Variants in CSMD1 observed in about 807,000 individuals in gnomAD.
CSMD1 encodes the protein CUB and Sushi multiple domains 1.
Under a neutral mutation model 417.5 loss-of-function variants are expected in CSMD1, and 213 were observed. The ratio of observed to expected loss-of-function variants is 0.51; its 90% CI spans 0.46 to 0.57. The LOEUF is 0.57. Among genes scored for constraint, CSMD1 ranks in the 20% least tolerant of loss-of-function variants. The probability of loss-of-function intolerance (pLI) is 0.00; values close to 1 mark genes in which losing one functional copy is unlikely to be tolerated. For synonymous variants in CSMD1, 2,862 were observed against 1,736.8 expected (o/e 1.65, Z -16.11); for missense variants, 6,923 against 4,529.7 (o/e 1.53, Z -15.17).
chr8:4,037,095 A>T (rs1271520503), intron 3 of CSMD1, among the ~76,000 whole-genome samples: 1 of 152,142 alleles, frequency 6.6e-6, no homozygotes, highest in Non-Finnish European at 1.5e-5. Flanking sequence ...AAACTGGAAT[A>T]ATTGGATAAA....
chr8:3,530,425 T>C (rs549990858), intron 10 of CSMD1, among the ~76,000 whole-genome samples: 1 of 152,348 alleles, frequency 6.6e-6, no homozygotes, highest in South Asian at 2.1e-4. Context: ...AATGATTGTT[T>C]AGGTGTGTTG....
intron 33 of CSMD1, among the ~76,000 whole-genome samples, chr8:3,191,018 T>G (rs529039286): frequency 1.3e-5 from 2 of 152,156 alleles, no homozygotes; most frequent in Non-Finnish European, 2.9e-5. Context: ...TTCACTTACA[T>G]AAAATGAGTA....
chr8:3,068,795 C>A (rs192579867), intron 49 of CSMD1, among the ~76,000 whole-genome samples: 4 of 152,126 alleles, frequency 2.6e-5, no homozygotes, highest in African/African-American at 9.7e-5. Flanking sequence ...GGATCCACCC[C>A]CATGATCCAA....
rs534531495 is a variant in CSMD1, at chr8:3,670,830, G to T, written c.1009+37584C>A. Reference sequence around the variant, plus strand: ...ATATGTATATGGGATATATGTATAGGGGATATATATGTATATGGGATATAT... The same window carrying T: ...ATATGTATATGGGATATATGTATAGTGGATATATATGTATATGGGATATAT... On this transcript the variant is annotated intron_variant, in intron 7 of 69. Transcript: ENST00000635120. Among the ~76,000 whole-genome samples, 3 of 150,184 alleles carry T rather than the reference G, an allele frequency of 2.0e-5. No homozygotes were observed. In the South Asian group the frequency reaches 6.4e-4, roughly 32 times the overall value.
intron 5 of CSMD1, among the ~76,000 whole-genome samples, chr8:3,860,388 A>T (rs976842158): frequency 6.6e-6 from 1 of 152,210 alleles, no homozygotes; most frequent in Non-Finnish European, 1.5e-5. Context: ...TAAAAAAATC[A>T]TCAGTCAAAA....
At chr8:3,865,798 C>CT (rs1007199987) in intron 5 of CSMD1, among the ~76,000 whole-genome samples, 2 of 152,066 alleles carry the variant, frequency 1.3e-5, no homozygotes, top group Non-Finnish European at 2.9e-5. Flanking sequence ...ATAAGTGCCT[C>CT]TTTTTTTGGT....
chr8:3,819,718 C>T (rs1420970324), intron 5 of CSMD1, among the ~76,000 whole-genome samples: 1 of 152,136 alleles, frequency 6.6e-6, no homozygotes, highest in East Asian at 1.9e-4. Context: ...TCCTGGGGAA[C>T]TGGGACCACA....
At chr8:3,140,331 CTCTCTCTCTCTCTCTCTG>C (rs1270457104) in intron 41 of CSMD1, among the ~76,000 whole-genome samples, 6 of 112,952 alleles carry the variant, frequency 5.3e-5, no homozygotes, top group Admixed American at 3.4e-4. Flanking sequence ...CTGATGTTCT[CTCTCTCTCTCTCTCTCTG>C]TCTCTCTCTC....
intron 5 of CSMD1, among the ~76,000 whole-genome samples, chr8:3,931,310 A>T (rs1436080224): frequency 6.6e-6 from 1 of 150,578 alleles, no homozygotes; most frequent in Non-Finnish European, 1.5e-5. Flanking sequence ...CAAATAAAAT[A>T]TTTAAGAACT....
At chr8:4,089,940 A>G (rs991530781) in intron 3 of CSMD1, among the ~76,000 whole-genome samples, 4 of 152,142 alleles carry the variant, frequency 2.6e-5, no homozygotes, top group Admixed American at 2.6e-4. Flanking sequence ...TACATGTATT[A>G]TTGTTGAATA....
chr8:4,758,314 C>A (rs1016268288), intron 1 of CSMD1, among the ~76,000 whole-genome samples: 2 of 152,118 alleles, frequency 1.3e-5, no homozygotes, highest in African/African-American at 2.4e-5. Context: ...ATGCTTAATT[C>A]GCTGGTTCTG....
At chr8:3,582,609 G>A (rs764410142) in intron 9 of CSMD1, among the ~76,000 whole-genome samples, 4 of 152,150 alleles carry the variant, frequency 2.6e-5, no homozygotes, top group Admixed American at 6.5e-5. Context: ...GCCACACGTG[G>A]CTACTGAGCA....
intron 7 of CSMD1, among the ~76,000 whole-genome samples, chr8:3,644,966 G>GAAAAAT (rs1797501761): frequency 3.1e-5 from 2 of 64,522 alleles, no homozygotes; most frequent in Non-Finnish European, 5.3e-5. Context: ...GGCTTTAAAT[G>GAAAAAT]AAAAAAAAAA....
intron 2 of CSMD1, among the ~76,000 whole-genome samples, chr8:4,549,285 A>G (rs571157292): frequency 6.6e-6 from 1 of 152,298 alleles, no homozygotes; most frequent in African/African-American, 2.4e-5. Flanking sequence ...CCAAACACCC[A>G]GGTGACTTGG....
chr8:4,216,577 G>A lies in CSMD1; in HGVS notation c.416-184478C>T, dbSNP rs185546459. On this transcript the variant is annotated intron_variant, in intron 3 of 69. Transcript: ENST00000635120. ...GCCTGAGTCTGCTGCCACTGCCAACGGAGCCCTCCAGATGGAAGGTGCTGA... is the reference window on the plus strand; with the variant it reads ...GCCTGAGTCTGCTGCCACTGCCAACAGAGCCCTCCAGATGGAAGGTGCTGA... 1.0e-3 allele frequency among the ~76,000 whole-genome samples: 157 copies of A among 152,266 alleles called. 1 individual carries two copies. Among genetic ancestry groups the A allele is most frequent in the African/African-American group, 5.3e-4 (22 of 41,550 alleles).
At chr8:3,233,954 G>A (rs1269072539) in intron 26 of CSMD1, among the ~76,000 whole-genome samples, 1 of 152,174 alleles carries the variant, frequency 6.6e-6, no homozygotes, top group East Asian at 1.9e-4. Context: ...GCCGGCGGTT[G>A]TGAGTTGCAT....
At chr8:3,061,469 C>T (rs1003182550) in intron 49 of CSMD1, among the ~76,000 whole-genome samples, 3 of 152,054 alleles carry the variant, frequency 2.0e-5, no homozygotes, top group African/African-American at 7.2e-5. Context: ...TTCTCTGCAC[C>T]GTGGATATCC....
intron 49 of CSMD1, among the ~76,000 whole-genome samples, chr8:3,082,601 C>A (rs768262954): frequency 6.6e-6 from 1 of 152,210 alleles, no homozygotes; most frequent in Non-Finnish European, 1.5e-5. Flanking sequence ...CAGTGCGTAA[C>A]TCAGAGCTAA....
At chr8:4,919,451 T>C (rs190456066) in intron 1 of CSMD1, among the ~76,000 whole-genome samples, 5 of 152,288 alleles carry the variant, frequency 3.3e-5, no homozygotes, top group Admixed American at 2.6e-4. Flanking sequence ...GGGGATTTAA[T>C]GTATATTTTC....
Sources: gnomAD v4.1 joint callset for allele counts (sites outside exome capture counted in the v4.1 genomes callset) on GRCh38, gnomAD v4.1.1 for gene constraint, MANE v1.5 for transcripts, NCBI Gene and HGNC (gene_info 2026-07-23, HGNC 2026-07-21) for gene names.